SEC23IP: variants seen among roughly 807,000 people sequenced by gnomAD.
SEC23IP encodes SEC23-interacting protein.
A neutral mutation model predicts 113.4 loss-of-function variants in SEC23IP; 70 were observed. The observed-to-expected ratio is 0.62, with a 90% confidence interval of 0.51 to 0.75. SEC23IP has a LOEUF of 0.75. Among genes scored for constraint, SEC23IP ranks in the 30% least tolerant of loss-of-function variants. SEC23IP has a pLI of 0.00. For synonymous variants in SEC23IP, 398 were observed against 421.0 expected, an observed-to-expected ratio of 0.95 and a Z score of 0.67; for missense variants, 1,160 against 1,204.9, an observed-to-expected ratio of 0.96 and a Z score of 0.55.
intron 15 of SEC23IP, 35 bp downstream of exon 15, chr10:119,930,466 G>C: frequency 1.6e-6 from 2 of 1,267,472 alleles, no homozygotes; most frequent in Non-Finnish European, 2.3e-6. Flanking sequence ...TTTTTTTCCT[G>C]TCATTTGTAA....
chr10:119,937,624 TA>T (rs970542628), intron 18 of SEC23IP, among the ~76,000 whole-genome samples: 72 of 140,948 alleles, frequency 5.1e-4, no homozygotes, highest in East Asian at 6.1e-4. Context: ...AGACTCCGTC[TA>T]AAAAAAAAAA....
chr10:119,931,271 CA>C (rs71019733), intron 15 of SEC23IP, among the ~76,000 whole-genome samples: 36,907 of 93,192 alleles, frequency 0.4, 4,648 homozygotes, highest in East Asian at 0.52. Context: ...GACTCCGTCT[CA>C]AAAAAAAAAA....
At chr10:119,910,978 C>T (rs1252549449) in intron 5 of SEC23IP, among the ~76,000 whole-genome samples, 1 of 151,236 alleles carries the variant, frequency 6.6e-6, no homozygotes, top group Non-Finnish European at 1.5e-5. Context: ...AGCCAACACG[C>T]TTGGCTAACC....
rs763588535 is a variant in SEC23IP, at chr10:119,920,899, C to T, written c.2036C>T (p.Thr679Ile). The change falls in exon 12 of 19, where the codon ACA (threonine) becomes ATA (isoleucine). Residue 679 changes from threonine to isoleucine, a missense_variant. Coordinates refer to ENST00000369075, the MANE Select transcript of SEC23IP (RefSeq NM_007190.4). ...KIDMESLLMC[T>I]VDDLKEMGIP... Reference sequence around the variant, plus strand: ...TGTTTCCTTTTAAAGCTTATGTGTACAGTTGATGACCTGAAGGAAATGGGG... The same window carrying T: ...TGTTTCCTTTTAAAGCTTATGTGTATAGTTGATGACCTGAAGGAAATGGGG... The T allele has an allele frequency of 5.0e-6, 8 of 1,608,326 alleles. No individual in the cohort carries two copies. The highest frequency in any genetic ancestry group is 2.7e-5 in the African/African-American group (2 of 74,798).
At position 119,932,197 on chromosome 10, in the gene SEC23IP, A is replaced by T; in HGVS notation, c.2637A>T (p.Lys879Asn). The T allele has an allele frequency of 6.2e-7, 1 of 1,613,334 alleles. No homozygotes were observed. Among genetic ancestry groups the T allele is most frequent in the Non-Finnish European group, 8.5e-7 (1 of 1,179,294 alleles). The change falls in exon 16 of 19, where the codon AAA (lysine) becomes AAT (asparagine). Residue 879 changes from lysine to asparagine, a missense_variant. By Grantham distance (94) the Lys-to-Asn change is moderately conservative. Coordinates refer to ENST00000369075, the MANE Select transcript of SEC23IP (RefSeq NM_007190.4). The part of the protein sequence containing the change: ...DLKQGFISSL[K>N]SAWQTLNEFA... ...AGCAGGGTTTTATTAGCTCTCTCAA[A>T]AGTGCTTGGCAGACATTAAATGAGT...
At chr10:119,893,940 T>C (rs764799752) in intron 1 of SEC23IP, among the ~76,000 whole-genome samples, 4 of 152,226 alleles carry the variant, frequency 2.6e-5, no homozygotes, top group Non-Finnish European at 4.4e-5. Flanking sequence ...GGGAGATTGC[T>C]TTTTGATGAT....
Position 119,943,253 on chromosome 10 carries a change from T to C in SEC23IP, c.*2688T>C, listed in dbSNP as rs1856005579. On this transcript the variant is annotated 3_prime_UTR_variant, in exon 19 of 19. Coordinates refer to ENST00000369075, the MANE Select transcript of SEC23IP (RefSeq NM_007190.4). ...CATTCCAGCTTAGTTTGAGTCAGTT[T>C]CCCAGGGCTGGGTCCTCAGAGGAGA... is the stretch of plus-strand genomic sequence containing the variant. The C allele has an allele frequency of 1.3e-5, 2 of 152,234 alleles. No individual in the cohort carries two copies. The highest frequency in any genetic ancestry group is 4.8e-5 in the African/African-American group (2 of 41,462). The allele number at this position is 152,234 out of a possible 1,614,324, so 9.4% of individuals were successfully genotyped here.
At position 119,926,223 on chromosome 10, in the gene SEC23IP, G is replaced by C; in HGVS notation, c.2309G>C (p.Gly770Ala). ...VNYESFEVGA[G>A]QVSVAYNSLD... ...TATGAATCTTTTGAAGTTGGCGCCG[G>C]ACAGGTGAGTTTACATATTGACTGG... is the stretch of plus-strand genomic sequence containing the variant. The change falls in exon 13 of 19, where the codon GGA becomes GCA. Residue 770 changes from glycine to alanine, a missense_variant. Physicochemically the swap from Gly to Ala is moderately conservative, Grantham distance 60. Transcript: ENST00000369075. The C allele has an allele frequency of 6.2e-7, 1 of 1,613,946 alleles. No homozygotes were observed. Among genetic ancestry groups the C allele is most frequent in the Non-Finnish European group, 8.5e-7 (1 of 1,179,898 alleles).
chr10:119,928,073 A>G (rs1424044541), intron 13 of SEC23IP, among the ~76,000 whole-genome samples: 1 of 152,166 alleles, frequency 6.6e-6, no homozygotes, highest in African/African-American at 2.4e-5. Flanking sequence ...ATTTTCATAC[A>G]GTTTTTTTCT....
Position 119,904,287 on chromosome 10 carries a change from C to T in SEC23IP, c.1101+10C>T. The T allele has an allele frequency of 6.2e-7, 1 of 1,610,872 alleles. No homozygotes were observed. The highest frequency in any genetic ancestry group is 8.5e-7 in the Non-Finnish European group (1 of 1,177,276). ...CAGTGAAAAACTAGAGGTACGGGTGCTTTATTTCTTTATGAGTTTCTTTAA... is the reference window on the plus strand; with the variant it reads ...CAGTGAAAAACTAGAGGTACGGGTGTTTTATTTCTTTATGAGTTTCTTTAA... On this transcript the variant is annotated intron_variant, in intron 4 of 18. Coordinates refer to ENST00000369075, the MANE Select transcript of SEC23IP (RefSeq NM_007190.4).
At chr10:119,893,524 T>TC (rs958511018) in intron 1 of SEC23IP, among the ~76,000 whole-genome samples, 1 of 145,910 alleles carries the variant, frequency 6.9e-6, no homozygotes, top group African/African-American at 2.6e-5. Flanking sequence ...CTTTTTTTTT[T>TC]TTTTTTTTTT....
chr10:119,896,194 G>C (rs1854280170), intron 1 of SEC23IP, among the ~76,000 whole-genome samples: 1 of 152,218 alleles, frequency 6.6e-6, no homozygotes, highest in African/African-American at 2.4e-5. Context: ...CAGAAGACCA[G>C]AGTGTCAGCT....
rs1328313602 is a variant in SEC23IP, at chr10:119,912,049, T to C, written c.1197T>C (p.Ile399=). ...AATTCTGTTGCATCTTGAAGGTTAT[T>C]GTTCAGTTCCAGCCCTCCTCAGTGC... ...ETIVMHNPKV[I]VQFQPSSVPD... The change falls in exon 6 of 19, where the codon ATT becomes ATC. Residue 399 remains isoleucine, a synonymous_variant. Transcript: ENST00000369075. The C allele has an allele frequency of 6.2e-7, 1 of 1,613,970 alleles. No individual in the cohort carries two copies.
chr10:119,897,192 A>C lies in SEC23IP; in HGVS notation c.164-1235A>C, dbSNP rs142089837. Among the ~76,000 whole-genome samples, 683 of 152,322 alleles carry C rather than the reference A, an allele frequency of 4.5e-3. 3 individuals are homozygous for C. Among genetic ancestry groups the C allele is most frequent in the African/African-American group, 0.016 (659 of 41,582 alleles). ...GATTCCATGCCTCCAGCAAGGAGGTAAGAGGGAATGAGGCAGGAGCAGGGA... is the reference window on the plus strand; with the variant it reads ...GATTCCATGCCTCCAGCAAGGAGGTCAGAGGGAATGAGGCAGGAGCAGGGA... On this transcript the variant is annotated intron_variant, in intron 1 of 18. Transcript: ENST00000369075.
intron 10 of SEC23IP, 69 bp from the exon 11 acceptor site, chr10:119,919,375 G>A (rs367700570): frequency 4.4e-5 from 60 of 1,369,702 alleles, no homozygotes; most frequent in South Asian, 4.1e-4. Context: ...GAGAGTTTTC[G>A]TAGATCAGCA....
chr10:119,942,445 T>G lies in SEC23IP; in HGVS notation c.*1880T>G, dbSNP rs1390515385. On this transcript the variant is annotated 3_prime_UTR_variant, in exon 19 of 19. Transcript: ENST00000369075. Reference sequence around the variant, plus strand: ...GGTAGAGTCTTTATGTATGAACATATTGTTCACTGTTGTAACCACCTTGCA... The same window carrying G: ...GGTAGAGTCTTTATGTATGAACATAGTGTTCACTGTTGTAACCACCTTGCA... 1.3e-5 allele frequency: 2 copies of G among 152,124 alleles called. No individual in the cohort carries two copies. Among genetic ancestry groups the G allele is most frequent in the South Asian group, 2.1e-4 (1 of 4,832 alleles). 9.4% of individuals were successfully genotyped at this position (152,124 alleles called of 1,614,324 possible). A position where few individuals can be genotyped will look rare whatever the true frequency, so the allele number is the denominator to read the frequency against.
intron 5 of SEC23IP, among the ~76,000 whole-genome samples, chr10:119,911,411 C>G (rs1237602359): frequency 6.6e-6 from 1 of 151,968 alleles, no homozygotes; most frequent in Admixed American, 6.6e-5. Context: ...CAGGCATGAG[C>G]CACTGCACCG....
In SEC23IP at chr10:119,919,531, G is replaced by A. The variant is rs1304442020; in HGVS notation, c.1960G>A (p.Glu654Lys). Residue 654 changes from glutamate to lysine, a missense_variant, in exon 11 of 19, where the codon GAA (glutamate) becomes AAA (lysine). Transcript: ENST00000369075. The part of the protein sequence containing the change: ...KEVLTLQETL[E>K]ALSLSEYFST... The stretch of plus-strand genomic sequence containing the variant: ...AGTCCTAACTTTGCAAGAAACTCTG[G>A]AAGCACTTAGCCTCTCTGAATATTT... 1.2e-6 allele frequency: 2 copies of A among 1,613,798 alleles called. No individual in the cohort carries two copies. Among genetic ancestry groups the A allele is most frequent in the South Asian group, 2.2e-5 (2 of 91,064 alleles).
At chr10:119,904,373 T>C in intron 4 of SEC23IP, 96 bp downstream of exon 4, 1 of 1,046,748 alleles carries the variant, frequency 9.6e-7, no homozygotes, top group Non-Finnish European at 1.4e-6. Flanking sequence ...GGACTTTACT[T>C]ACAAGACAGC....
Sources: gnomAD v4.1 joint callset for allele counts (sites outside exome capture counted in the v4.1 genomes callset) on GRCh38, gnomAD v4.1.1 for gene constraint, MANE v1.5 for transcripts, NCBI Gene and HGNC (gene_info 2026-07-23, HGNC 2026-07-21) for gene names.